B3GNT4: variants seen among roughly 807,000 people sequenced by gnomAD.
B3GNT4 encodes the protein UDP-GlcNAc:betaGal beta-1,3-N-acetylglucosaminyltransferase 4, also known as N-acetyllactosaminide beta-1,3-N-acetylglucosaminyltransferase 4.
Under a neutral mutation model 2.7 loss-of-function variants are expected in B3GNT4, and 2 were observed. The observed-to-expected ratio is 0.73, with a 90% CI of 0.30 to 2.31. B3GNT4 has a LOEUF of 2.31. Ranked by LOEUF, B3GNT4 falls within the 30% of genes most tolerant of loss-of-function variation. The pLI is 0.12. For synonymous variants in B3GNT4, 280 were observed against 203.4 expected (o/e 1.38, Z -3.20); for missense variants, 708 against 490.9 (o/e 1.44, Z -4.18).
chr12:122,208,463 A>C lies in B3GNT4; in HGVS notation c.*1075A>C. 1 of 1,613,916 alleles carries C rather than the reference A, an allele frequency of 6.2e-7. No individual in the cohort carries two copies. Among genetic ancestry groups the C allele is most frequent in the Admixed American group, 1.7e-5 (1 of 60,012 alleles). The stretch of plus-strand genomic sequence containing the variant: ...CTGTGTTTTCTGACGGAGCTCTTCT[A>C]TCTGTGCTTCTGCCAGCTTGGTTTC... On this transcript the variant is annotated 3_prime_UTR_variant, in exon 3 of 3. Coordinates refer to ENST00000324189, the MANE Select transcript of B3GNT4 (RefSeq NM_030765.4).
chr12:122,208,076 CCT>C lies in B3GNT4; in HGVS notation c.*695_*696del, dbSNP rs759741658. The C allele has an allele frequency of 3.0e-5, 18 of 602,932 alleles. No individual in the cohort carries two copies. Among genetic ancestry groups the C allele is most frequent in the Admixed American group, 2.1e-4 (10 of 46,932 alleles). The allele number at this position is 602,932 out of a possible 1,614,324, so 37.3% of individuals were successfully genotyped here. On this transcript the variant is annotated 3_prime_UTR_variant, in exon 3 of 3. Transcript: ENST00000324189. Reference sequence around the variant, plus strand: ...ACTTAAGGGCATGACAAAAAGGACTCCTCTCTCTGACCCAGGTAGGCAAAATG... The same window carrying C: ...ACTTAAGGGCATGACAAAAAGGACTCCTCTCTGACCCAGGTAGGCAAAATG...
At position 122,207,025 on chromosome 12, in the gene B3GNT4, C is replaced by T. The variant is rs751755393; in HGVS notation, c.774C>T (p.Val258=). Residue 258 remains valine (V), a synonymous_variant, in exon 3 of 3, where the codon GTC becomes GTT. Coordinates refer to ENST00000324189, the MANE Select transcript of B3GNT4 (RefSeq NM_030765.4). ...CCCTGCCCAACAGGAACACTAAGGT[C>T]AAATACTTCATCCCACCCTCAATGT... ...RQALPNRNTK[V]KYFIPPSMYR... 6.2e-7 allele frequency: 1 copy of T among 1,613,820 alleles called. No individual in the cohort carries two copies. The highest frequency in any genetic ancestry group is 8.5e-7 in the Non-Finnish European group (1 of 1,179,856).
In B3GNT4 at chr12:122,208,558, T is replaced by A. The variant is rs773781886; in HGVS notation, c.*1170T>A. On this transcript the variant is annotated 3_prime_UTR_variant, in exon 3 of 3. Coordinates refer to ENST00000324189, the MANE Select transcript of B3GNT4 (RefSeq NM_030765.4). ...CCAGCTGAATGTGATTCCTGGCGGT[T>A]ATAGAGGCCTGATCTGCGCCTGCCA... The A allele has an allele frequency of 1.2e-6, 2 of 1,613,464 alleles. No homozygotes were observed. Among genetic ancestry groups the A allele is most frequent in the South Asian group, 2.2e-5 (2 of 91,080 alleles).
In B3GNT4 at chr12:122,208,225, G is replaced by A. The variant is rs1409269458; in HGVS notation, c.*837G>A. 1.2e-6 allele frequency: 1 copy of A among 835,174 alleles called. No individual in the cohort carries two copies. Among genetic ancestry groups the A allele is most frequent in the Middle Eastern group, 3.3e-4 (1 of 3,014 alleles). The allele number at this position is 835,174 out of a possible 1,614,324, so 51.7% of individuals were successfully genotyped here. A position where few individuals can be genotyped will look rare whatever the true frequency, so the allele number is the denominator to read the frequency against. Reference sequence around the variant, plus strand: ...CCAGCGCAAGCCTGAGACCACAGGAGGCACTCACAGCTCACAAAGGCGTCT... The same window carrying A: ...CCAGCGCAAGCCTGAGACCACAGGAAGCACTCACAGCTCACAAAGGCGTCT... On this transcript the variant is annotated 3_prime_UTR_variant, in exon 3 of 3. Coordinates refer to ENST00000324189, the MANE Select transcript of B3GNT4 (RefSeq NM_030765.4).
intron 1 of B3GNT4, among the ~76,000 whole-genome samples, chr12:122,204,012 T>A (rs1221518901): frequency 6.6e-6 from 1 of 151,698 alleles, no homozygotes; most frequent in Non-Finnish European, 1.5e-5. Context: ...GCTTCGGTTC[T>A]CCAGGCTGGG....
At chr12:122,204,205 C>A (rs1953884847) in intron 1 of B3GNT4, among the ~76,000 whole-genome samples, 1 of 151,892 alleles carries the variant, frequency 6.6e-6, no homozygotes, top group Admixed American at 6.6e-5. Context: ...CGCGCCAGGG[C>A]GTTTTGGGTC....
chr12:122,204,788 C>G lies in B3GNT4; in HGVS notation c.66+104C>G, dbSNP rs1953893665. 6.8e-6 allele frequency: 7 copies of G among 1,036,742 alleles called. No individual in the cohort carries two copies. The East Asian group carries it at 1.9e-4, about 28-fold the overall frequency. The allele number at this position is 1,036,742 out of a possible 1,614,324, so 64.2% of individuals were successfully genotyped here. A position where few individuals can be genotyped will look rare whatever the true frequency, so the allele number is the denominator to read the frequency against. Reference sequence around the variant, plus strand: ...TGGCCGGTGGCTCACGCCTGTAGTCCCAACGCTTTGGGAGGCCAAGGCGGG... The same window carrying G: ...TGGCCGGTGGCTCACGCCTGTAGTCGCAACGCTTTGGGAGGCCAAGGCGGG... On this transcript the variant is annotated intron_variant, in intron 2 of 2. Coordinates refer to ENST00000324189, the MANE Select transcript of B3GNT4 (RefSeq NM_030765.4).
Position 122,208,194 on chromosome 12 carries a change from C to G in B3GNT4, c.*806C>G. 5.4e-6 allele frequency: 4 copies of G among 735,978 alleles called. No individual in the cohort carries two copies. The highest frequency in any genetic ancestry group is 7.2e-6 in the Non-Finnish European group (3 of 418,704). The allele number at this position is 735,978 out of a possible 1,614,324, so 45.6% of individuals were successfully genotyped here. ...GGGTGCAGTGCCCAAGGGCTAAGAA[C>G]CAGGTCCAGCGCAAGCCTGAGACCA... On this transcript the variant is annotated 3_prime_UTR_variant, in exon 3 of 3. Transcript: ENST00000324189.
intron 2 of B3GNT4, 181 bp from the exon 3 acceptor site, chr12:122,206,137 A>T: frequency 1.9e-6 from 1 of 529,474 alleles, no homozygotes; most frequent in Non-Finnish European, 3.3e-6. Flanking sequence ...CTGGCAAAGC[A>T]GCTGTGCTTA....
At position 122,206,737 on chromosome 12, in the gene B3GNT4, A is replaced by G. The variant is rs1593160804; in HGVS notation, c.486A>G (p.Ala162=). 2 of 1,607,006 alleles carry G rather than the reference A, an allele frequency of 1.2e-6. No individual in the cohort carries two copies. The highest frequency in any genetic ancestry group is 1.3e-5 in the African/African-American group (1 of 74,792). ...QLKLVFLLGV[A]GSAPPAQLLA... is the part of the protein sequence containing the mutation. Reference sequence around the variant, plus strand: ...AGCTGGTGTTCCTCCTAGGGGTGGCAGGATCCGCTCCCCCAGCCCAGCTGC... The same window carrying G: ...AGCTGGTGTTCCTCCTAGGGGTGGCGGGATCCGCTCCCCCAGCCCAGCTGC... Residue 162 remains alanine (A), a synonymous_variant, in exon 3 of 3, where the codon GCA becomes GCG. Transcript: ENST00000324189.
In B3GNT4 at chr12:122,207,363, C is replaced by T. The variant is rs756305943; in HGVS notation, c.1112C>T (p.Ala371Val). ...GTGACAGATGAGGGGCTCAAGTGTGCAGCTGGCCCCATACCCCAGCGCTGA... is the reference window on the plus strand; with the variant it reads ...GTGACAGATGAGGGGCTCAAGTGTGTAGCTGGCCCCATACCCCAGCGCTGA... ...ALVTDEGLKC[A>V]AGPIPQR The change falls in exon 3 of 3, where the codon GCA becomes GTA. Residue 371 changes from alanine (A) to valine (V), a missense_variant. By Grantham distance (64) the Ala-to-Val change is moderately conservative. Coordinates refer to ENST00000324189, the MANE Select transcript of B3GNT4 (RefSeq NM_030765.4). The T allele has an allele frequency of 6.3e-7, 1 of 1,579,830 alleles. No homozygotes were observed. Among genetic ancestry groups the T allele is most frequent in the Admixed American group, 1.8e-5 (1 of 56,052 alleles).
rs1363182400 is a variant in B3GNT4, at chr12:122,208,805, ACAT to A, written c.*1420_*1422del. The A allele has an allele frequency of 1.6e-6, 1 of 641,380 alleles. No homozygotes were observed. The highest frequency in any genetic ancestry group is 2.9e-6 in the Non-Finnish European group (1 of 346,110). 39.7% of individuals were successfully genotyped at this position (641,380 alleles called of 1,614,324 possible). ...ATTTTTCTTCAGCTGTCAGCGGCCA[ACAT>A]CACAATTATTAAATGCAACTCTCAC... On this transcript the variant is annotated 3_prime_UTR_variant, in exon 3 of 3. Coordinates refer to ENST00000324189, the MANE Select transcript of B3GNT4 (RefSeq NM_030765.4).
rs750530743 is a variant in B3GNT4 at position 122,207,361 on chromosome 12, T to G, written c.1110T>G (p.Cys370Trp). The G allele has an allele frequency of 1.7e-5, 27 of 1,586,270 alleles. 1 individual carries two copies. The South Asian group carries it at 3.0e-4, about 17-fold the overall frequency. ...WALVTDEGLKCAAGPIPQR is the reference protein window; with the variant it reads ...WALVTDEGLKWAAGPIPQR ...TGGTGACAGATGAGGGGCTCAAGTGTGCAGCTGGCCCCATACCCCAGCGCT... is the reference window on the plus strand; with the variant it reads ...TGGTGACAGATGAGGGGCTCAAGTGGGCAGCTGGCCCCATACCCCAGCGCT... Residue 370 changes from cysteine (C) to tryptophan (W), a missense_variant, in exon 3 of 3, where the codon TGT (cysteine) becomes TGG (tryptophan). Physicochemically the swap from Cys to Trp is radical, Grantham distance 215 (BLOSUM62 -2). Transcript: ENST00000324189.
chr12:122,204,299 G>A (rs1385318321), intron 1 of B3GNT4, among the ~76,000 whole-genome samples: 1 of 151,950 alleles, frequency 6.6e-6, no homozygotes, highest in African/African-American at 2.4e-5. Flanking sequence ...ACGGGGTCGT[G>A]CGCTCCGCGG....
chr12:122,208,248 T>C lies in B3GNT4; in HGVS notation c.*860T>C, dbSNP rs1472988946. ...GAGGCACTCACAGCTCACAAAGGCG[T>C]CTCGCCTGATTGGCCAGGGCAGGAT... On this transcript the variant is annotated 3_prime_UTR_variant, in exon 3 of 3. Transcript: ENST00000324189. The C allele has an allele frequency of 3.8e-6, 4 of 1,058,726 alleles. 1 individual carries two copies. The South Asian group carries it at 5.3e-5, about 14-fold the overall frequency. The allele number at this position is 1,058,726 out of a possible 1,614,324, so 65.6% of individuals were successfully genotyped here. A position where few individuals can be genotyped will look rare whatever the true frequency, so the allele number is the denominator to read the frequency against.
rs139129833 is a variant in B3GNT4, at chr12:122,207,370, C to T, written c.1119C>T (p.Gly373=). 2 of 1,570,986 alleles carry T rather than the reference C, an allele frequency of 1.3e-6. No homozygotes were observed. The highest frequency in any genetic ancestry group is 2.3e-5 in the East Asian group (1 of 44,402). ...VTDEGLKCAA[G]PIPQR is the part of the protein sequence containing the mutation. ...ATGAGGGGCTCAAGTGTGCAGCTGG[C>T]CCCATACCCCAGCGCTGAAGGGTGG... Residue 373 remains glycine, a synonymous_variant, in exon 3 of 3, where the codon GGC becomes GGT. Coordinates refer to ENST00000324189, the MANE Select transcript of B3GNT4 (RefSeq NM_030765.4).
intron 1 of B3GNT4, among the ~76,000 whole-genome samples, chr12:122,204,233 T>C (rs879132): frequency 0.43 from 65,061 of 151,722 alleles, 15,506 homozygotes; most frequent in East Asian, 0.67. Context: ...CCTGTGGGGA[T>C]CCGAGGCGGC....
rs1593165659 is a variant in B3GNT4 at position 122,208,815 on chromosome 12, T to A, written c.*1427T>A. 6.4e-6 allele frequency: 4 copies of A among 623,872 alleles called. No homozygotes were observed. The highest frequency in any genetic ancestry group is 1.5e-5 in the South Asian group (1 of 66,102). The allele number at this position is 623,872 out of a possible 1,614,324, so 38.6% of individuals were successfully genotyped here. A position where few individuals can be genotyped will look rare whatever the true frequency, so the allele number is the denominator to read the frequency against. ...AGCTGTCAGCGGCCAACATCACAATTATTAAATGCAACTCTCACAATCATC... is the reference window on the plus strand; with the variant it reads ...AGCTGTCAGCGGCCAACATCACAATAATTAAATGCAACTCTCACAATCATC... On this transcript the variant is annotated 3_prime_UTR_variant, in exon 3 of 3. Transcript: ENST00000324189.
rs150666707 is a variant in B3GNT4 at position 122,206,472 on chromosome 12, G to A, written c.221G>A (p.Ser74Asn). ...TGGGCTCCCCCAACACCCCGTCACA[G>A]CCGGTGTCCACCCAACCACACAGTG... ...PFWAPPTPRHSRCPPNHTVSS... is the reference protein window; with the variant it reads ...PFWAPPTPRHNRCPPNHTVSS... The change falls in exon 3 of 3, where the codon AGC becomes AAC. Residue 74 changes from serine (S) to asparagine (N), a missense_variant. Coordinates refer to ENST00000324189, the MANE Select transcript of B3GNT4 (RefSeq NM_030765.4). 1.3e-5 allele frequency: 21 copies of A among 1,614,040 alleles called. No individual in the cohort carries two copies. The African/African-American group carries it at 2.7e-4, about 21-fold the overall frequency.
Sources: gnomAD v4.1 joint callset for allele counts (sites outside exome capture counted in the v4.1 genomes callset) on GRCh38, gnomAD v4.1.1 for gene constraint, MANE v1.5 for transcripts, NCBI Gene and HGNC (gene_info 2026-07-23, HGNC 2026-07-21) for gene names.